The following UGT1A10 variants were observed in gnomAD, a reference collection of about 807,000 sequenced individuals.
UGT1A10 encodes UDP-glucuronosyltransferase 1A10.
In UGT1A10, 49 loss-of-function variants were observed where a neutral mutation model predicts 45.8. That is an observed-to-expected ratio of 1.07 (90% CI 0.85 to 1.36). UGT1A10 has a LOEUF of 1.36. UGT1A10 is among the 40% of genes most tolerant of loss of function. The probability of loss-of-function intolerance (pLI) is 0.00; values close to 1 mark genes in which losing one functional copy is unlikely to be tolerated. For synonymous variants in UGT1A10, 284 were observed against 249.7 expected (o/e 1.14, Z -1.29); for missense variants, 745 against 668.6 (o/e 1.11, Z -1.26).
At chr2:233,649,959 T>G (rs1488298101) in intron 1 of UGT1A10, among the ~76,000 whole-genome samples, 1 of 152,140 alleles carries the variant, frequency 6.6e-6, no homozygotes, top group African/African-American at 2.4e-5. Flanking sequence ...AAGAGATACT[T>G]CAAGGTTTTT....
chr2:233,644,534 C>T (rs140519848), intron 1 of UGT1A10, among the ~76,000 whole-genome samples: 19,333 of 152,004 alleles, frequency 0.13, 1,304 homozygotes, highest in Non-Finnish European at 0.16. Context: ...GCACTCCAGC[C>T]TAGATGACAG....
intron 1 of UGT1A10, among the ~76,000 whole-genome samples, chr2:233,717,097 A>G (rs1035812992): frequency 6.6e-6 from 1 of 152,144 alleles, no homozygotes; most frequent in South Asian, 2.1e-4. Context: ...TGACATCACT[A>G]TCTAAATAAA....
intron 1 of UGT1A10, among the ~76,000 whole-genome samples, chr2:233,653,845 T>C (rs1580064): frequency 0.94 from 143,470 of 152,336 alleles, 67,671 homozygotes; most frequent in East Asian, 1. Context: ...GATCTGCCCT[T>C]CTCAGCCTCC....
intron 1 of UGT1A10, among the ~76,000 whole-genome samples, chr2:233,721,312 CTCTTT>C (rs1419139960): frequency 1.3e-5 from 2 of 152,056 alleles, no homozygotes; most frequent in Non-Finnish European, 2.9e-5. Context: ...GTGATTGTGG[CTCTTT>C]TCTTGTGGTT....
chr2:233,729,432 AAC>A (rs1456497728), intron 1 of UGT1A10: 1 of 1,613,916 alleles, frequency 6.2e-7, no homozygotes, highest in East Asian at 2.2e-5. Flanking sequence ...TGTACTTTGA[AAC>A]AGAACATTTT....
intron 1 of UGT1A10, chr2:233,743,937 C>G (rs1692597235): frequency 7.4e-7 from 1 of 1,355,896 alleles, no homozygotes; most frequent in Non-Finnish European, 9.9e-7. Context: ...CAGAACGGCC[C>G]ACCAGGCACT....
chr2:233,648,769 G>A (rs1277981633), intron 1 of UGT1A10: 15 of 768,934 alleles, frequency 2.0e-5, no homozygotes, highest in Admixed American at 4.1e-5. Context: ...CAGCCTGGAT[G>A]CCATGACTTT....
intron 1 of UGT1A10, chr2:233,740,831 T>A (rs1418284400): frequency 1.3e-5 from 2 of 151,936 alleles, no homozygotes; most frequent in East Asian, 3.8e-4. Flanking sequence ...GCTGAGACAT[T>A]TTAAAAGGAG....
At chr2:233,700,322 C>T (rs1432582141) in intron 1 of UGT1A10, among the ~76,000 whole-genome samples, 1 of 152,230 alleles carries the variant, frequency 6.6e-6, no homozygotes, top group Non-Finnish European at 1.5e-5. Context: ...CTTTAAAATT[C>T]TGCCTCTCTT....
At chr2:233,748,018 T>C in intron 1 of UGT1A10, 1 of 1,613,548 alleles carries the variant, frequency 6.2e-7, no homozygotes, top group East Asian at 2.2e-5. Context: ...CCCAGGCCGA[T>C]CATGCCCAAC....
chr2:233,729,468 G>A lies in UGT1A10; in HGVS notation c.856-37566G>A, dbSNP rs28898619. ...TTCTGAAGAAATTTTTCAGAAGTAT[G>A]GCAATGTTGAACAATATGTCTTTGG... On this transcript the variant is annotated intron_variant, in intron 1 of 4. Coordinates refer to ENST00000344644, the MANE Select transcript of UGT1A10 (RefSeq NM_019075.4). 1.9e-3 allele frequency: 3,095 copies of A among 1,614,142 alleles called. 65 individuals are homozygous for A. The African/African-American group carries it at 0.037, about 19-fold the overall frequency.
intron 1 of UGT1A10, chr2:233,729,385 G>A (rs1328190991): frequency 1.9e-6 from 3 of 1,613,954 alleles, no homozygotes; most frequent in African/African-American, 1.3e-5. Flanking sequence ...GTGGACCCAG[G>A]ATGAATTTGA....
intron 1 of UGT1A10, among the ~76,000 whole-genome samples, chr2:233,644,113 C>T (rs558967707): frequency 6.6e-6 from 1 of 152,298 alleles, no homozygotes; most frequent in East Asian, 1.9e-4. Context: ...GGGCCTAGTA[C>T]AGCCCTAGAA....
intron 1 of UGT1A10, among the ~76,000 whole-genome samples, chr2:233,670,890 A>G (rs1280582998): frequency 1.3e-5 from 2 of 152,198 alleles, no homozygotes; most frequent in Non-Finnish European, 2.9e-5. Context: ...CCAATCCAGA[A>G]AAAGTGTTCT....
intron 1 of UGT1A10, among the ~76,000 whole-genome samples, chr2:233,727,881 A>G (rs2077662339): frequency 6.6e-6 from 1 of 152,168 alleles, no homozygotes; most frequent in Non-Finnish European, 1.5e-5. Context: ...CTCACCAGCA[A>G]TGGCAGACAC....
chr2:233,717,905 A>C (rs2076614960), intron 1 of UGT1A10: 1 of 454,688 alleles, frequency 2.2e-6, no homozygotes, highest in Non-Finnish European at 4.4e-6. Context: ...AGGATGAAAT[A>C]AAGGCCTGGA....
chr2:233,724,204 T>C (rs1288091131), intron 1 of UGT1A10, among the ~76,000 whole-genome samples: 2 of 103,218 alleles, frequency 1.9e-5, no homozygotes, highest in South Asian at 3.6e-4. Context: ...CTGGCCGGGC[T>C]GAGGGGCTCC....
rs528884709 is a variant in UGT1A10, at chr2:233,723,430, G to A, written c.856-43604G>A. Among the ~76,000 whole-genome samples the A allele has an allele frequency of 9.0e-5, 12 of 133,776 alleles. 1 individual carries two copies. In the South Asian group the frequency reaches 1.7e-3, roughly 19 times the overall value. 87.8% of individuals were successfully genotyped at this position (133,776 alleles called of 152,430 possible). On this transcript the variant is annotated intron_variant, in intron 1 of 4. Coordinates refer to ENST00000344644, the MANE Select transcript of UGT1A10 (RefSeq NM_019075.4). ...TCACCATACTGGTCAGGCTGGTCTC[G>A]AACTCCTGACCTCAGGTGATCCACC...
In UGT1A10 at chr2:233,636,738, C is replaced by T; in HGVS notation, c.216C>T (p.Cys72=). The T allele has an allele frequency of 1.9e-6, 3 of 1,614,160 alleles. No individual in the cohort carries two copies. The highest frequency in any genetic ancestry group is 1.1e-5 in the South Asian group (1 of 91,076). ...VSWQLERSLN[C]TVKTYSTSYT... is the part of the protein sequence containing the mutation. ...GGCAACTGGAAAGATCACTGAATTGCACAGTGAAGACTTACTCAACCTCGT... is the reference window on the plus strand; with the variant it reads ...GGCAACTGGAAAGATCACTGAATTGTACAGTGAAGACTTACTCAACCTCGT... The change falls in exon 1 of 5, where the codon TGC becomes TGT. Residue 72 remains cysteine (C), a synonymous_variant. Coordinates refer to ENST00000344644, the MANE Select transcript of UGT1A10 (RefSeq NM_019075.4).
Sources: gnomAD v4.1 joint callset for allele counts (sites outside exome capture counted in the v4.1 genomes callset) on GRCh38, gnomAD v4.1.1 for gene constraint, MANE v1.5 for transcripts, NCBI Gene and HGNC (gene_info 2026-07-23, HGNC 2026-07-21) for gene names.